Variants in SDK2 observed in about 807,000 individuals in gnomAD.
The protein encoded by SDK2 is sidekick cell adhesion molecule 2, also known as protein sidekick-2.
In SDK2, 105 loss-of-function variants were observed where a neutral mutation model predicts 253.9. The ratio of observed to expected loss-of-function variants is 0.41; its 90% CI spans 0.35 to 0.49. SDK2 has a LOEUF of 0.49. Ranked by LOEUF, SDK2 falls within the 20% of genes least tolerant of loss-of-function variation. The pLI, the probability that SDK2 is intolerant of heterozygous loss-of-function variation, is 0.06. For missense variants in SDK2, 2,608 were observed against 3,003.0 expected (o/e 0.87, Z 3.07); for synonymous variants, 1,249 against 1,234.9 (o/e 1.01, Z -0.24).
At chr17:73,581,332 C>T (rs1005254173) in intron 1 of SDK2, among the ~76,000 whole-genome samples, 2 of 152,238 alleles carry the variant, frequency 1.3e-5, no homozygotes, top group Non-Finnish European at 2.9e-5. Flanking sequence ...GTAGGAAACG[C>T]TCCAGGTCAG....
At chr17:73,425,281 C>T (rs908851141) in intron 12 of SDK2, among the ~76,000 whole-genome samples, 9 of 151,898 alleles carry the variant, frequency 5.9e-5, no homozygotes, top group Admixed American at 1.3e-4. Context: ...GTAAAAAGTA[C>T]GGGTAAGAAA....
intron 2 of SDK2, among the ~76,000 whole-genome samples, chr17:73,474,169 T>G (rs1398887072): frequency 6.6e-6 from 1 of 152,206 alleles, no homozygotes; most frequent in Admixed American, 6.5e-5. Context: ...ACCCAGCCAA[T>G]TTTTAACAAA....
intron 44 of SDK2, 128 bp downstream of exon 44, chr17:73,348,471 G>T: frequency 2.5e-6 from 3 of 1,201,424 alleles, no homozygotes; most frequent in Non-Finnish European, 3.4e-6. Flanking sequence ...CTTCAGGGTG[G>T]TTTCTTGGGC....
At chr17:73,452,846 G>T (rs2063498624) in intron 4 of SDK2, among the ~76,000 whole-genome samples, 1 of 152,174 alleles carries the variant, frequency 6.6e-6, no homozygotes, top group Non-Finnish European at 1.5e-5. Flanking sequence ...ATGGGGCTGG[G>T]ACTCGTCTAC....
chr17:73,640,351 C>T (rs1320327543), intron 1 of SDK2, among the ~76,000 whole-genome samples: 1 of 152,084 alleles, frequency 6.6e-6, no homozygotes, highest in Non-Finnish European at 1.5e-5. Context: ...TGACTCTGTT[C>T]CTCCCAGGCA....
In SDK2 at chr17:73,627,406, C is replaced by T. The variant is rs146059437; in HGVS notation, c.64+16619G>A. On this transcript the variant is annotated intron_variant, in intron 1 of 44. Coordinates refer to ENST00000392650, the MANE Select transcript of SDK2 (RefSeq NM_001144952.2). ...AAAAGGAACACTGTATTCTTAAGAC[C>T]GCATCTTTCAGCGACGCCTCCTTCC... 1.7e-3 allele frequency among the ~76,000 whole-genome samples: 264 copies of T among 152,242 alleles called. 2 individuals are homozygous for T. Among genetic ancestry groups the T allele is most frequent in the African/African-American group, 5.8e-3 (239 of 41,552 alleles).
chr17:73,388,968 T>TCTCTTC (rs1184774319), intron 29 of SDK2, among the ~76,000 whole-genome samples: 8 of 202 alleles, frequency 0.04, no homozygotes, highest in African/African-American at 0.17. Context: ...TCCCCTCTCC[T>TCTCTTC]CCCTTCCCTT....
intron 8 of SDK2, among the ~76,000 whole-genome samples, 155 bp downstream of exon 8, chr17:73,437,584 T>G (rs2053116499): frequency 1.3e-5 from 2 of 150,888 alleles, no homozygotes; most frequent in Admixed American, 6.6e-5. Context: ...TTGGCCTGTT[T>G]GTTTCCTGGG....
In SDK2 at chr17:73,383,691, T is replaced by C. The variant is rs1038687422; in HGVS notation, c.4705+185A>G. ...GTGCCCCACAGTGACTCGGGGCCCA[T>C]AGAAGGTGCTCAGTAAATATTCAGT... On this transcript the variant is annotated intron_variant, in intron 33 of 44. Transcript: ENST00000392650. This position sits in a 1 kb window ranked among gnomAD's most constrained non-coding sequence, Gnocchi z 4.3. 1.3e-5 allele frequency among the ~76,000 whole-genome samples: 2 copies of C among 152,146 alleles called. No homozygotes were observed. The highest frequency in any genetic ancestry group is 4.8e-5 in the African/African-American group (2 of 41,412).
chr17:73,397,913 A>C, intron 24 of SDK2, 122 bp downstream of exon 24: 2 of 1,097,046 alleles, frequency 1.8e-6, no homozygotes, highest in Non-Finnish European at 2.6e-6. Context: ...ATTATCAGGC[A>C]TCTCATCAGA....
chr17:73,439,357 A>C (rs142512498), intron 6 of SDK2, among the ~76,000 whole-genome samples: 532 of 152,304 alleles, frequency 3.5e-3, no homozygotes, highest in Middle Eastern at 0.01. Context: ...AAATGGGCTA[A>C]TACGCCATGC....
chr17:73,542,217 G>A (rs200926822), intron 1 of SDK2, among the ~76,000 whole-genome samples: 2 of 152,224 alleles, frequency 1.3e-5, no homozygotes, highest in East Asian at 3.9e-4. Flanking sequence ...TCCCATCCCT[G>A]GTGCCTTCTG....
chr17:73,579,277 C>G (rs372400753), intron 1 of SDK2, among the ~76,000 whole-genome samples: 2 of 152,164 alleles, frequency 1.3e-5, no homozygotes, highest in African/African-American at 4.8e-5. Flanking sequence ...TAAATCCTAC[C>G]AGGCTTTGGG....
intron 16 of SDK2, among the ~76,000 whole-genome samples, chr17:73,416,554 T>C (rs934927856): frequency 6.6e-6 from 1 of 151,714 alleles, no homozygotes; most frequent in African/African-American, 2.4e-5. Context: ...ACAACACAGG[T>C]TGGAACTGTA....
At chr17:73,408,055 TTTTTTTTTTC>T (rs1238128286) in intron 18 of SDK2, among the ~76,000 whole-genome samples, 2 of 127,586 alleles carry the variant, frequency 1.6e-5, no homozygotes, top group Non-Finnish European at 1.8e-5. Context: ...TCCTTTTTTT[TTTTTTTTTTC>T]TTTTGAGACA....
At chr17:73,360,918 AGAGC>A (rs1380999722) in intron 39 of SDK2, among the ~76,000 whole-genome samples, 1 of 150,524 alleles carries the variant, frequency 6.6e-6, no homozygotes, top group African/African-American at 2.4e-5. Context: ...CCTGGATGAC[AGAGC>A]GAGACTCTGT....
intron 5 of SDK2, among the ~76,000 whole-genome samples, chr17:73,446,244 T>G (rs569213938): frequency 4.5e-4 from 68 of 152,300 alleles, no homozygotes; most frequent in Non-Finnish European, 7.5e-4. Context: ...AGCATCTCTC[T>G]TTGATGACTA....
chr17:73,577,167 G>A (rs894463307), intron 1 of SDK2, among the ~76,000 whole-genome samples: 7 of 152,152 alleles, frequency 4.6e-5, no homozygotes, highest in African/African-American at 9.7e-5. Context: ...CCTGAAATCC[G>A]GGTCCAGAGA....
At chr17:73,413,937 GA>G (rs2063158997) in intron 18 of SDK2, among the ~76,000 whole-genome samples, 1 of 152,128 alleles carries the variant, frequency 6.6e-6, no homozygotes, top group Non-Finnish European at 1.5e-5. Context: ...ACAGCCTGGG[GA>G]TACGTTTGAG....
Sources: allele counts gnomAD v4.1 joint callset (sites outside exome capture counted in the v4.1 genomes callset), GRCh38; gene constraint gnomAD v4.1.1; non-coding constraint Gnocchi (gnomAD v3.1); transcripts MANE v1.5; gene names NCBI Gene and HGNC (gene_info 2026-07-23, HGNC 2026-07-21).